JAKMIP3: variants seen among roughly 807,000 people sequenced by gnomAD.
JAKMIP3 encodes janus kinase and microtubule-interacting protein 3.
In JAKMIP3, 58 loss-of-function variants were observed where a neutral mutation model predicts 118.5. The observed-to-expected ratio is 0.49, with a 90% CI of 0.40 to 0.61. The LOEUF (loss-of-function observed/expected upper bound fraction) is 0.61. Ranked by LOEUF, JAKMIP3 falls within the 20% of genes least tolerant of loss-of-function variation. The pLI, the probability that JAKMIP3 is intolerant of heterozygous loss-of-function variation, is 0.00. For synonymous variants in JAKMIP3, 486 were observed against 451.2 expected (o/e 1.08, Z -0.98); for missense variants, 950 against 1,109.0 (o/e 0.86, Z 2.04).
intron 1 of JAKMIP3, among the ~76,000 whole-genome samples, chr10:132,090,363 TATTA>T (rs1349145476): frequency 3.3e-5 from 5 of 152,212 alleles, no homozygotes; most frequent in Non-Finnish European, 7.3e-5. Context: ...GTTGGTAAGC[TATTA>T]ATTATTGCCT....
At chr10:132,107,738 G>A (rs1487143146) in intron 2 of JAKMIP3, among the ~76,000 whole-genome samples, 2 of 152,160 alleles carry the variant, frequency 1.3e-5, no homozygotes, top group South Asian at 2.1e-4. Context: ...GCACAAGCTC[G>A]TCCATGTTAT....
At chr10:132,051,868 A>G (rs1332642414) in intron 1 of JAKMIP3, among the ~76,000 whole-genome samples, 1 of 152,186 alleles carries the variant, frequency 6.6e-6, no homozygotes, top group Non-Finnish European at 1.5e-5. Flanking sequence ...TCAGCCTCCT[A>G]AAGTGCTGGG....
chr10:132,056,965 G>A (rs541342675), intron 1 of JAKMIP3, among the ~76,000 whole-genome samples: 4 of 152,248 alleles, frequency 2.6e-5, no homozygotes, highest in South Asian at 4.1e-4. Flanking sequence ...CCTGGGGTCC[G>A]GATTCTACCC....
Position 132,177,969 on chromosome 10 carries a change from C to T in JAKMIP3, c.*1104-4388C>T, listed in dbSNP as rs1176533743. ...CCTGGGTAGTGTGCGTGTATGTGTG[C>T]ACCTGCTCTTGTGCCCTGGGTAGTG... On this transcript the variant is annotated intron_variant, in intron 23 of 23. Coordinates refer to ENST00000684848, the MANE Select transcript of JAKMIP3 (RefSeq NM_001323087.2). Among the ~76,000 whole-genome samples the T allele has an allele frequency of 2.0e-5, 3 of 150,786 alleles. No individual in the cohort carries two copies. In the East Asian group the frequency reaches 6.0e-4, roughly 30 times the overall value.
In JAKMIP3 at chr10:132,168,160, C is replaced by T. The variant is rs115578057; in HGVS notation, c.*230C>T. ...ACTAGAACTGGCTCTGCCGACTTCT[C>T]GGGGGCTTCTCCGGGACGGGCCTGG... On this transcript the variant is annotated 3_prime_UTR_variant, in exon 23 of 24. Coordinates refer to ENST00000684848, the MANE Select transcript of JAKMIP3 (RefSeq NM_001323087.2). 1,258 of 1,285,854 alleles carry T rather than the reference C, an allele frequency of 9.8e-4. 11 individuals are homozygous for T. In the African/African-American group the frequency reaches 0.017, roughly 17 times the overall value. The allele number at this position is 1,285,854 out of a possible 1,614,324, so 79.7% of individuals were successfully genotyped here.
chr10:132,063,435 G>A (rs2038477289), upstream of JAKMIP3, among the ~76,000 whole-genome samples: 1 of 152,098 alleles, frequency 6.6e-6, no homozygotes, highest in Non-Finnish European at 1.5e-5. Context: ...GCTTCTTGAG[G>A]ACTAGCAAGG....
At chr10:132,136,162 T>A in intron 6 of JAKMIP3, 86 bp downstream of exon 6, 3 of 1,441,324 alleles carry the variant, frequency 2.1e-6, no homozygotes, top group Non-Finnish European at 2.9e-6. Flanking sequence ...AGATTTAGCA[T>A]GACAGCCGGT....
intron 19 of JAKMIP3, among the ~76,000 whole-genome samples, chr10:132,162,326 C>T (rs942969222): frequency 3.3e-5 from 5 of 152,258 alleles, no homozygotes; most frequent in Admixed American, 2.0e-4. Flanking sequence ...TGATGAGCAC[C>T]TCCCACCACC....
At chr10:132,154,097 CAGGGCCCCTA>C in intron 19 of JAKMIP3, 107 bp downstream of exon 19, 1 of 943,598 alleles carries the variant, frequency 1.1e-6, no homozygotes, top group Non-Finnish European at 1.7e-6. Context: ...GGCCAGGTCG[CAGGGCCCCTA>C]ATGGCCCCTA....
Position 132,163,287 on chromosome 10 carries a change from G to C in JAKMIP3, c.2299G>C (p.Glu767Gln). 1 of 1,600,948 alleles carries C rather than the reference G, an allele frequency of 6.2e-7. No individual in the cohort carries two copies. Among genetic ancestry groups the C allele is most frequent in the Non-Finnish European group, 8.5e-7 (1 of 1,174,926 alleles). Residue 767 changes from glutamate (E) to glutamine (Q), a missense_variant, in exon 20 of 24, where the codon GAG (glutamate) becomes CAG (glutamine). Physicochemically the swap from Glu to Gln is conservative, Grantham distance 29. Coordinates refer to ENST00000684848, the MANE Select transcript of JAKMIP3 (RefSeq NM_001323087.2). Reference protein sequence around the residue: ...AGAKVAELLSEEEREKLKVAV... With the variant: ...AGAKVAELLSQEEREKLKVAV... ...GGCTAAGGTGGCTGAGCTGCTGTCA[G>C]AGGAGGAGCGCGAGAAGCTCAAGGT...
At chr10:132,080,555 T>C (rs2041626315) in intron 1 of JAKMIP3, among the ~76,000 whole-genome samples, 1 of 130,300 alleles carries the variant, frequency 7.7e-6, no homozygotes, top group South Asian at 2.8e-4. Flanking sequence ...GGAGTCTCTC[T>C]CTGTCACCCA....
chr10:132,067,485 G>A (rs1402105723), intron 1 of JAKMIP3, among the ~76,000 whole-genome samples: 1 of 152,216 alleles, frequency 6.6e-6, no homozygotes, highest in Non-Finnish European at 1.5e-5. Flanking sequence ...CCACAGCAAG[G>A]GAGCTGTCAG....
chr10:132,141,829 G>A, intron 10 of JAKMIP3, 91 bp from the exon 11 acceptor site: 2 of 1,419,948 alleles, frequency 1.4e-6, no homozygotes, highest in East Asian at 2.5e-5. Context: ...GATATCTGGG[G>A]AGAAGGGAAG....
chr10:132,147,921 C>A, intron 13 of JAKMIP3, 31 bp from the exon 14 acceptor site: 1 of 1,470,130 alleles, frequency 6.8e-7, no homozygotes, highest in Non-Finnish European at 9.4e-7. Context: ...GAGAACCAGA[C>A]CCCTCACCTC....
At chr10:132,053,862 G>C (rs1173849369) in intron 1 of JAKMIP3, among the ~76,000 whole-genome samples, 1 of 151,848 alleles carries the variant, frequency 6.6e-6, no homozygotes, top group Non-Finnish European at 1.5e-5. Context: ...ATGAAACCCT[G>C]TCTCTACTAA....
At chr10:132,147,446 G>A (rs1339613073) in intron 13 of JAKMIP3, among the ~76,000 whole-genome samples, 3 of 152,216 alleles carry the variant, frequency 2.0e-5, no homozygotes, top group Non-Finnish European at 2.9e-5. Context: ...TCCTTAATTA[G>A]CCAAGTGAAT....
At chr10:132,064,645 C>G (rs12769224), upstream of JAKMIP3, among the ~76,000 whole-genome samples, 1 of 152,128 alleles carries the variant, frequency 6.6e-6, no homozygotes, top group Non-Finnish European at 1.5e-5. The surrounding 1 kb of genome is among the most constrained non-coding windows in gnomAD (Gnocchi z 4.4). Flanking sequence ...CGGGCGGCTC[C>G]GTCACACGAG....
chr10:132,180,702 TGTGTGC>T lies in JAKMIP3; in HGVS notation c.*1104-1653_*1104-1648del, dbSNP rs1565020931. Reference sequence around the variant, plus strand: ...GCGCGCGTGTGTGTGCGTGCGTGTGTGTGTGCGCGTGTGTGTGCGTGTGTGTGCGTG... The same window carrying T: ...GCGCGCGTGTGTGTGCGTGCGTGTGTGCGTGTGTGTGCGTGTGTGTGCGTG... On this transcript the variant is annotated intron_variant, in intron 23 of 23. Coordinates refer to ENST00000684848, the MANE Select transcript of JAKMIP3 (RefSeq NM_001323087.2). Among the ~76,000 whole-genome samples, 67 of 31,922 alleles carry T rather than the reference TGTGTGC, an allele frequency of 2.1e-3. 10 individuals carry two copies. Among genetic ancestry groups the T allele is most frequent in the African/African-American group, 7.0e-3 (43 of 6,104 alleles). 20.9% of individuals were successfully genotyped at this position (31,922 alleles called of 152,430 possible).
rs2061692231 is a variant in JAKMIP3, at chr10:132,184,353, T to C, written c.*3100T>C. On this transcript the variant is annotated 3_prime_UTR_variant, in exon 24 of 24. Transcript: ENST00000684848. Reference sequence around the variant, plus strand: ...AGTCAAAAAGAAGAGAGTGCCCAAGTGTGGGTTTGGAGGCACTGACGCATT... The same window carrying C: ...AGTCAAAAAGAAGAGAGTGCCCAAGCGTGGGTTTGGAGGCACTGACGCATT... The C allele has an allele frequency of 6.6e-6, 1 of 152,220 alleles. No homozygotes were observed. 9.4% of individuals were successfully genotyped at this position (152,220 alleles called of 1,614,324 possible). A position where few individuals can be genotyped will look rare whatever the true frequency, so the allele number is the denominator to read the frequency against.
Sources: allele counts gnomAD v4.1 joint callset (sites outside exome capture counted in the v4.1 genomes callset), GRCh38; gene constraint gnomAD v4.1.1; non-coding constraint Gnocchi (gnomAD v3.1); transcripts MANE v1.5; gene names NCBI Gene and HGNC (gene_info 2026-07-23, HGNC 2026-07-21).